DNAH17: variants seen among roughly 807,000 people sequenced by gnomAD.
DNAH17 encodes the protein axonemal beta dynein heavy chain 17.
Under a neutral mutation model 485.6 loss-of-function variants are expected in DNAH17, and 376 were observed. The ratio of observed to expected loss-of-function variants is 0.77; its 90% CI spans 0.71 to 0.84. The LOEUF (loss-of-function observed/expected upper bound fraction) is 0.84, where lower values mean the gene tolerates loss of function less well. Ranked by LOEUF, DNAH17 falls within the 40% of genes least tolerant of loss-of-function variation. The probability of loss-of-function intolerance (pLI) is 0.00; values close to 1 mark genes in which losing one functional copy is unlikely to be tolerated. For synonymous variants in DNAH17, 3,031 were observed against 2,405.9 expected (o/e 1.26, Z -7.60); for missense variants, 6,370 against 5,839.3 (o/e 1.09, Z -2.96).
intron 25 of DNAH17, chr17:78,522,584 A>G (rs1280698852): frequency 3.5e-6 from 1 of 284,360 alleles, no homozygotes; most frequent in Non-Finnish European, 6.9e-6. Context: ...GCAGGCAGCC[A>G]CTGGGCCTGG....
At position 78,486,046 on chromosome 17, in the gene DNAH17, A is replaced by G; in HGVS notation, c.7189T>C (p.Tyr2397His). 1 of 1,613,990 alleles carries G rather than the reference A, an allele frequency of 6.2e-7. No homozygotes were observed. The highest frequency in any genetic ancestry group is 2.2e-5 in the East Asian group (1 of 44,876). ...KFPSQGTIFDYYIDPDTKKFL... is the reference protein window; with the variant it reads ...KFPSQGTIFDHYIDPDTKKFL... ...TTTTTTGTGTCAGGATCAATGTAGT[A>G]GTCAAAAATCGTTCCCTGCGAGGGG... The change falls in exon 46 of 81, where the codon TAC (tyrosine) becomes CAC (histidine). Residue 2397 changes from tyrosine (Y) to histidine (H), a missense_variant. Physicochemically the swap from Tyr to His is moderately conservative, Grantham distance 83 (BLOSUM62 2). Coordinates refer to ENST00000389840, the MANE Select transcript of DNAH17 (RefSeq NM_173628.4).
At chr17:78,447,156 G>A (rs965195406) in intron 69 of DNAH17, among the ~76,000 whole-genome samples, 1 of 152,064 alleles carries the variant, frequency 6.6e-6, no homozygotes, top group Non-Finnish European at 1.5e-5. Context: ...GTCTCAAACC[G>A]CCTCAAGTGA....
chr17:78,492,637 T>C lies in DNAH17; in HGVS notation c.6537A>G (p.Lys2179=), dbSNP rs765038700. The change falls in exon 42 of 81, where the codon AAA becomes AAG. Residue 2179 remains lysine, a synonymous_variant. Transcript: ENST00000389840. ...TCCCGGGACCACCCTCGTTACCATCTTTCCATTCCCTGGTCACTGGGTTGA... is the reference window on the plus strand; with the variant it reads ...TCCCGGGACCACCCTCGTTACCATCCTTCCATTCCCTGGTCACTGGGTTGA... ...GIINPVTREW[K]DGLFSTIMRD... 6.2e-7 allele frequency: 1 copy of C among 1,613,744 alleles called. No individual in the cohort carries two copies. Among genetic ancestry groups the C allele is most frequent in the South Asian group, 1.1e-5 (1 of 91,064 alleles).
Position 78,575,090 on chromosome 17 carries a change from G to A in DNAH17, c.-25-8C>T, listed in dbSNP as rs1406502934. 3.2e-6 allele frequency: 5 copies of A among 1,560,668 alleles called. No homozygotes were observed. Among genetic ancestry groups the A allele is most frequent in the Non-Finnish European group, 4.4e-6 (5 of 1,145,388 alleles). On this transcript the variant is annotated splice_region_variant and splice_polypyrimidine_tract_variant and intron_variant, in intron 1 of 80. Transcript: ENST00000389840. ...TTTCCTTACACTGTGTATCTGTTAA[G>A]AGTGCAAGAAACAGGTACGAACTGT...
At chr17:78,504,486 C>T (rs1198511549) in intron 31 of DNAH17, among the ~76,000 whole-genome samples, 2 of 151,070 alleles carry the variant, frequency 1.3e-5, no homozygotes, top group Non-Finnish European at 3.0e-5. Flanking sequence ...CCCACCCACC[C>T]CACCCACCCC....
chr17:78,498,965 A>C, intron 37 of DNAH17, 43 bp downstream of exon 37: 1 of 1,476,856 alleles, frequency 6.8e-7, no homozygotes, highest in Non-Finnish European at 9.2e-7. Context: ...CTGACGAGCC[A>C]GTCACCCGAC....
chr17:78,536,078 T>C (rs780415573), intron 19 of DNAH17, among the ~76,000 whole-genome samples: 5 of 152,188 alleles, frequency 3.3e-5, no homozygotes, highest in Non-Finnish European at 5.9e-5. Context: ...TTAGACGAGA[T>C]GATTTCAGAA....
At chr17:78,552,954 T>A in intron 14 of DNAH17, 149 bp from the exon 15 acceptor site, 1 of 642,370 alleles carries the variant, frequency 1.6e-6, no homozygotes, top group Admixed American at 2.4e-5. Context: ...ATCCCCAGTG[T>A]TGGAGGTGGG....
At chr17:78,505,555 C>T in intron 30 of DNAH17, 110 bp from the exon 31 acceptor site, 2 of 1,368,914 alleles carry the variant, frequency 1.5e-6, no homozygotes, top group Middle Eastern at 2.0e-4. Flanking sequence ...GGAATATACT[C>T]CCCATCTTTG....
At position 78,502,718 on chromosome 17, in the gene DNAH17, A is replaced by G; in HGVS notation, c.5083-20T>C. ...GGCCACCTGAAAGTACATACCCCCCATTGCCCACGCAGTGAGCGATCGCTG... is the reference window on the plus strand; with the variant it reads ...GGCCACCTGAAAGTACATACCCCCCGTTGCCCACGCAGTGAGCGATCGCTG... On this transcript the variant is annotated intron_variant, in intron 32 of 80. Coordinates refer to ENST00000389840, the MANE Select transcript of DNAH17 (RefSeq NM_173628.4). 2 of 1,606,646 alleles carry G rather than the reference A, an allele frequency of 1.2e-6. No homozygotes were observed. Among genetic ancestry groups the G allele is most frequent in the South Asian group, 1.1e-5 (1 of 90,638 alleles).
Position 78,507,594 on chromosome 17 carries a change from T to C in DNAH17, c.4448A>G (p.Asp1483Gly), listed in dbSNP as rs1389094831. ...CTCAAACCAGATGGAGATGACGGAG[T>C]CCGCCGTGGACAGCTTCTGCTGCCA... ...TSWQQKLSTA[D>G]SVISIWFEVQ... Residue 1483 changes from aspartate to glycine, a missense_variant, in exon 28 of 81, where the codon GAC becomes GGC. Transcript: ENST00000389840. 10 of 1,613,932 alleles carry C rather than the reference T, an allele frequency of 6.2e-6. No individual in the cohort carries two copies. Among genetic ancestry groups the C allele is most frequent in the Non-Finnish European group, 8.5e-6 (10 of 1,179,994 alleles).
At chr17:78,476,366 G>T (rs1347299498) in intron 52 of DNAH17, among the ~76,000 whole-genome samples, 2 of 145,822 alleles carry the variant, frequency 1.4e-5, no homozygotes, top group African/African-American at 2.6e-5. Context: ...TGGAACCCTC[G>T]GACCCACAGC....
Position 78,473,543 on chromosome 17 carries a change from C to CAAAA in DNAH17, c.8511+1731_8511+1734dup, listed in dbSNP as rs758795883. Reference sequence around the variant, plus strand: ...TGGGCGACAGAGTGAGACTCTGTCTCAAAAAAAAAAAAAAAAAAAAAAGAA... The same window carrying CAAAA: ...TGGGCGACAGAGTGAGACTCTGTCTCAAAAAAAAAAAAAAAAAAAAAAAAAAGAA... On this transcript the variant is annotated intron_variant, in intron 54 of 80. Transcript: ENST00000389840. Among the ~76,000 whole-genome samples the CAAAA allele has an allele frequency of 3.3e-3, 181 of 55,272 alleles. 4 individuals carry two copies. The highest frequency in any genetic ancestry group is 5.3e-3 in the African/African-American group (77 of 14,534). 36.3% of individuals were successfully genotyped at this position (55,272 alleles called of 152,430 possible). A position where few individuals can be genotyped will look rare whatever the true frequency, so the allele number is the denominator to read the frequency against.
intron 79 of DNAH17, 41 bp from the exon 80 acceptor site, chr17:78,425,612 A>ACACACGAGCCGC (rs2086411566): frequency 1.3e-6 from 2 of 1,542,502 alleles, no homozygotes; most frequent in African/African-American, 1.4e-5. Flanking sequence ...AGGACATAGA[A>ACACACGAGCCGC]TGACATGGGA....
chr17:78,549,339 G>A (rs574802276), intron 16 of DNAH17, among the ~76,000 whole-genome samples: 5 of 152,268 alleles, frequency 3.3e-5, no homozygotes, highest in African/African-American at 1.2e-4. Flanking sequence ...ACCAGGAAGA[G>A]GGCCCTCACC....
intron 48 of DNAH17, chr17:78,484,665 C>G (rs1021108296): frequency 5.2e-6 from 2 of 385,132 alleles, no homozygotes; most frequent in African/African-American, 4.2e-5. Context: ...TACCCTGGCC[C>G]TACCTCAATG....
intron 48 of DNAH17, among the ~76,000 whole-genome samples, chr17:78,482,090 T>C (rs200092833): frequency 0.081 from 7,036 of 87,076 alleles, 256 homozygotes; most frequent in Non-Finnish European, 0.11. Flanking sequence ...TTTTTTTTTT[T>C]CCCCCGAGAC....
In DNAH17 at chr17:78,445,697, G is replaced by T. The variant is rs1160689799; in HGVS notation, c.11212-17C>A. On this transcript the variant is annotated splice_polypyrimidine_tract_variant and intron_variant, in intron 69 of 80. Transcript: ENST00000389840. ...GGACAGGACCTGGGGGAACATCGAG[G>T]TGTACACACTTAACGCAGCCAGTAA... 6 of 1,588,486 alleles carry T rather than the reference G, an allele frequency of 3.8e-6. No homozygotes were observed. The African/African-American group carries it at 6.7e-5, about 18-fold the overall frequency.
Position 78,430,128 on chromosome 17 carries a change from C to T in DNAH17, c.12226-828G>A, listed in dbSNP as rs74001321. Among the ~76,000 whole-genome samples the T allele has an allele frequency of 8.9e-3, 1,354 of 152,306 alleles. 18 individuals carry two copies. The highest frequency in any genetic ancestry group is 0.031 in the African/African-American group (1,286 of 41,550). On this transcript the variant is annotated intron_variant, in intron 75 of 80. Coordinates refer to ENST00000389840, the MANE Select transcript of DNAH17 (RefSeq NM_173628.4). ...CTTCCTACAAAGCCTGGCTCATGGGCGGCCTCGCCATGAAGCCAGGCCCTT... is the reference window on the plus strand; with the variant it reads ...CTTCCTACAAAGCCTGGCTCATGGGTGGCCTCGCCATGAAGCCAGGCCCTT...
Sources: gnomAD v4.1 joint callset for allele counts (sites outside exome capture counted in the v4.1 genomes callset) on GRCh38, gnomAD v4.1.1 for gene constraint, MANE v1.5 for transcripts, NCBI Gene and HGNC (gene_info 2026-07-23, HGNC 2026-07-21) for gene names.